NUP155: variants seen among roughly 807,000 people sequenced by gnomAD.
NUP155 encodes the protein nucleoporin 155, also known as nuclear pore complex protein Nup155.
In NUP155, 71 loss-of-function variants were observed where a neutral mutation model predicts 180.4. The ratio of observed to expected loss-of-function variants is 0.39; its 90% CI spans 0.33 to 0.48. NUP155 has a LOEUF of 0.48. Among genes scored for constraint, NUP155 ranks in the 20% least tolerant of loss-of-function variants. The probability of loss-of-function intolerance (pLI) is 0.91; values close to 1 mark genes in which losing one functional copy is unlikely to be tolerated. For synonymous variants in NUP155, 582 were observed against 559.5 expected, an observed-to-expected ratio of 1.04 and a Z score of -0.57; for missense variants, 1,553 against 1,648.9, an observed-to-expected ratio of 0.94 and a Z score of 1.01.
chr5:37,358,107 G>A lies in NUP155; in HGVS notation c.437C>T (p.Ala146Val). 2 of 1,613,142 alleles carry A rather than the reference G, an allele frequency of 1.2e-6. No homozygotes were observed. Among genetic ancestry groups the A allele is most frequent in the East Asian group, 2.2e-5 (1 of 44,876 alleles). ...TGCTTTTGGCTTCACAAGCCCCACA[G>A]CAAGAATAGTCTCACTAAGTCCATC... ...YFDGLSETIL[A>V]VGLVKPKAGI... Residue 146 changes from alanine (A) to valine (V), a missense_variant, in exon 4 of 35, where the codon GCT (alanine) becomes GTT (valine). By Grantham distance (64) the Ala-to-Val change is moderately conservative. Coordinates refer to ENST00000231498, the MANE Select transcript of NUP155 (RefSeq NM_153485.3).
intron 21 of NUP155, among the ~76,000 whole-genome samples, chr5:37,317,094 G>A (rs574321863): frequency 2.0e-4 from 30 of 151,644 alleles, no homozygotes; most frequent in African/African-American, 4.8e-4. Context: ...GAGTGAACCC[G>A]GGAGGTGGAG....
chr5:37,321,861 A>G (rs1744266756), intron 20 of NUP155, among the ~76,000 whole-genome samples: 1 of 151,938 alleles, frequency 6.6e-6, no homozygotes, highest in Admixed American at 6.6e-5. Flanking sequence ...TTTATTTATG[A>G]TATTTTTTTT....
intron 20 of NUP155, among the ~76,000 whole-genome samples, chr5:37,320,412 G>T (rs1744172221): frequency 6.6e-6 from 1 of 152,078 alleles, no homozygotes; most frequent in South Asian, 2.1e-4. Context: ...GGGAGGCGGA[G>T]GTTGCGGTGA....
intron 32 of NUP155, among the ~76,000 whole-genome samples, chr5:37,295,586 C>T (rs1454270944): frequency 8.9e-6 from 1 of 112,836 alleles, no homozygotes; most frequent in African/African-American, 3.0e-5. Flanking sequence ...AGCCGCCATC[C>T]CATCTAGGAA....
At chr5:37,317,688 C>CT (rs374997987) in intron 21 of NUP155, among the ~76,000 whole-genome samples, 126,292 of 131,314 alleles carry the variant, frequency 0.96, 60,953 homozygotes, top group Non-Finnish European at 0.99. Flanking sequence ...CCCAATCACA[C>CT]TTTTTTTTTT....
At chr5:37,320,328 T>C (rs1744166069) in intron 20 of NUP155, among the ~76,000 whole-genome samples, 1 of 151,464 alleles carries the variant, frequency 6.6e-6, no homozygotes, top group South Asian at 2.1e-4. Context: ...AAATACAAAA[T>C]TAGCTGGGCG....
chr5:37,321,647 GCA>G, intron 20 of NUP155, among the ~76,000 whole-genome samples: 1 of 147,894 alleles, frequency 6.8e-6, no homozygotes, highest in Non-Finnish European at 1.5e-5. Context: ...AGCCCAGGAG[GCA>G]GAGGTTGCAG....
At chr5:37,301,105 G>C (rs971058662) in intron 30 of NUP155, 23 of 312,048 alleles carry the variant, frequency 7.4e-5, no homozygotes, top group African/African-American at 4.8e-4. Context: ...TTACAGGCGT[G>C]AGCCACAGTG....
intron 3 of NUP155, among the ~76,000 whole-genome samples, chr5:37,360,886 C>A (rs1360183178): frequency 4.0e-5 from 6 of 151,778 alleles, no homozygotes; most frequent in African/African-American, 1.4e-4. Context: ...AGTGGAAAAA[C>A]AAAAAACAGA....
intron 29 of NUP155, 89 bp downstream of exon 29, chr5:37,302,690 C>T (rs551932935): frequency 1.5e-6 from 2 of 1,297,692 alleles, no homozygotes; most frequent in South Asian, 2.4e-5. Flanking sequence ...ACTTCTCAGA[C>T]CTATTACTTA....
intron 17 of NUP155, among the ~76,000 whole-genome samples, 186 bp downstream of exon 17, chr5:37,328,172 G>A (rs1744727812): frequency 6.6e-6 from 1 of 152,190 alleles, no homozygotes; most frequent in African/African-American, 2.4e-5. Context: ...CTTATTATAA[G>A]AGGAGTTCCT....
chr5:37,363,551 CTT>C (rs1384492549), intron 3 of NUP155, among the ~76,000 whole-genome samples: 2 of 152,198 alleles, frequency 1.3e-5, no homozygotes, highest in African/African-American at 4.8e-5. Context: ...AAACAGAAGT[CTT>C]TAAAAATGTC....
rs540440350 is a variant in NUP155 at position 37,322,490 on chromosome 5, G to A, written c.2207+1502C>T. 4.6e-5 allele frequency among the ~76,000 whole-genome samples: 7 copies of A among 152,122 alleles called. No individual in the cohort carries two copies. The East Asian group carries it at 1.2e-3, about 25-fold the overall frequency. ...TGGGAGGCCGAGGCGGGCGGATCACGAGGTCAGGAGATCGAGACCATCCTG... is the reference window on the plus strand; with the variant it reads ...TGGGAGGCCGAGGCGGGCGGATCACAAGGTCAGGAGATCGAGACCATCCTG... On this transcript the variant is annotated intron_variant, in intron 20 of 34. Transcript: ENST00000231498.
chr5:37,307,150 A>ACTGTGC (rs1743203332), intron 25 of NUP155, 147 bp downstream of exon 25: 5 of 732,022 alleles, frequency 6.8e-6, no homozygotes, highest in Non-Finnish European at 1.1e-5. Flanking sequence ...GTGAGCCAAG[A>ACTGTGC]TCACACGACT....
intron 3 of NUP155, among the ~76,000 whole-genome samples, chr5:37,362,234 T>A (rs1168227151): frequency 6.6e-6 from 1 of 152,106 alleles, no homozygotes; most frequent in African/African-American, 2.4e-5. Context: ...AAGATCAATA[T>A]GTATGTGTTA....
intron 13 of NUP155, among the ~76,000 whole-genome samples, chr5:37,332,265 C>G (rs890301383): frequency 7.3e-5 from 10 of 136,936 alleles, no homozygotes; most frequent in Admixed American, 6.5e-4. Context: ...ATAAAACTAT[C>G]ATAATATTAC....
At chr5:37,306,487 A>G (rs1743163343) in intron 25 of NUP155, among the ~76,000 whole-genome samples, 1 of 152,188 alleles carries the variant, frequency 6.6e-6, no homozygotes, top group Admixed American at 6.6e-5. Flanking sequence ...CTTTGTTCCG[A>G]GACGGAGCCC....
chr5:37,334,264 G>A (rs1434461479), intron 12 of NUP155, among the ~76,000 whole-genome samples: 3 of 151,950 alleles, frequency 2.0e-5, no homozygotes, highest in Admixed American at 1.3e-4. Flanking sequence ...TACCACGGCC[G>A]CCTAATTTTT....
chr5:37,299,840 CT>C (rs1742771556), intron 30 of NUP155, among the ~76,000 whole-genome samples: 1 of 150,956 alleles, frequency 6.6e-6, no homozygotes, highest in South Asian at 2.1e-4. Flanking sequence ...GGAGACCATC[CT>C]GGCCAATATG....
Sources: gnomAD v4.1 joint callset for allele counts (sites outside exome capture counted in the v4.1 genomes callset) on GRCh38, gnomAD v4.1.1 for gene constraint, MANE v1.5 for transcripts, NCBI Gene and HGNC (gene_info 2026-07-23, HGNC 2026-07-21) for gene names.